Variants in LOC400499 observed in about 807,000 individuals in gnomAD.
chr16:11,506,813 A>G, the LOC400499 span, among the ~76,000 whole-genome samples: 3 of 152,122 alleles, frequency 2.0e-5, no homozygotes, highest in African/African-American at 4.8e-5. Flanking sequence ...GGGCAGAGGC[A>G]TTTCAAGCCG....
At chr16:11,389,438 T>C in the LOC400499 span, among the ~76,000 whole-genome samples, 1 of 152,122 alleles carries the variant, frequency 6.6e-6, no homozygotes, top group East Asian at 1.9e-4. Flanking sequence ...TCCCAACACT[T>C]TGGGAGGCCA....
the LOC400499 span, among the ~76,000 whole-genome samples, chr16:11,377,948 C>T: frequency 5.6e-4 from 85 of 152,326 alleles, no homozygotes; most frequent in African/African-American, 2.0e-3. Flanking sequence ...TTTTTGGTCT[C>T]TGATTCAATC....
chr16:11,376,300 G>A, the LOC400499 span, among the ~76,000 whole-genome samples: 1 of 151,722 alleles, frequency 6.6e-6, no homozygotes, highest in Non-Finnish European at 1.5e-5. Context: ...TGTTTTAAGA[G>A]TTGTATAGTT....
At chr16:11,410,922 T>C in the LOC400499 span, among the ~76,000 whole-genome samples, 1 of 152,222 alleles carries the variant, frequency 6.6e-6, no homozygotes, top group Non-Finnish European at 1.5e-5. Context: ...TCCAAAGGGC[T>C]GTGTCATCTG....
At chr16:11,489,121 C>A in the LOC400499 span, among the ~76,000 whole-genome samples, 1 of 152,206 alleles carries the variant, frequency 6.6e-6, no homozygotes, top group East Asian at 1.9e-4. Context: ...AGGAAGGTGT[C>A]ATGGACTCAA....
chr16:11,485,403 G>C, the LOC400499 span, among the ~76,000 whole-genome samples: 35,264 of 151,948 alleles, frequency 0.23, 4,231 homozygotes, highest in East Asian at 0.37. Context: ...ACTCAGACTG[G>C]AATGTGTGTC....
At chr16:11,513,406 C>CAAAA in the LOC400499 span, among the ~76,000 whole-genome samples, 1 of 126,940 alleles carries the variant, frequency 7.9e-6, no homozygotes, top group Non-Finnish European at 1.6e-5. Flanking sequence ...ACTGTGTCTC[C>CAAAA]AAAAAAAAAA....
the LOC400499 span, chr16:11,407,148 C>G: frequency 2.5e-6 from 1 of 398,698 alleles, no homozygotes. Flanking sequence ...AAGGGCTGTC[C>G]CAGAGGCCCC....
At chr16:11,419,504 G>C in the LOC400499 span, among the ~76,000 whole-genome samples, 2 of 152,076 alleles carry the variant, frequency 1.3e-5, no homozygotes, top group Non-Finnish European at 2.9e-5. Context: ...AACCCTAGAA[G>C]AAAACCTAGG....
chr16:11,491,794 G>C, the LOC400499 span: 1 of 398,860 alleles, frequency 2.5e-6, no homozygotes. Context: ...GCATTGATAC[G>C]GATCTCAGCA....
the LOC400499 span, chr16:11,392,389 G>A: frequency 5.0e-6 from 2 of 398,870 alleles, no homozygotes; most frequent in Admixed American, 4.4e-5. Context: ...CAGCCTGCAG[G>A]GTCAGGCGTC....
the LOC400499 span, among the ~76,000 whole-genome samples, chr16:11,457,663 C>G: frequency 3.3e-5 from 5 of 149,936 alleles, no homozygotes; most frequent in Admixed American, 1.3e-4. Flanking sequence ...GGTATACATA[C>G]AAAAGAATTG....
At chr16:11,458,782 C>T in the LOC400499 span, among the ~76,000 whole-genome samples, 1 of 151,908 alleles carries the variant, frequency 6.6e-6, no homozygotes, top group Non-Finnish European at 1.5e-5. Flanking sequence ...ATGCCTGTAA[C>T]CCAGCACTTT....
At chr16:11,400,408 C>A in the LOC400499 span, among the ~76,000 whole-genome samples, 1 of 138,188 alleles carries the variant, frequency 7.2e-6, no homozygotes, top group African/African-American at 2.6e-5. Context: ...GCTGCCCCAC[C>A]CACCCACCCA....
the LOC400499 span, among the ~76,000 whole-genome samples, chr16:11,430,469 GA>G: frequency 6.6e-6 from 1 of 151,968 alleles, no homozygotes; most frequent in Non-Finnish European, 1.5e-5. Context: ...CAGCCTGGGG[GA>G]CAAGAGCAAA....
chr16:11,385,197 C>T, the LOC400499 span: 21 of 1,231,850 alleles, frequency 1.7e-5, no homozygotes, highest in Non-Finnish European at 2.1e-5. Flanking sequence ...GGCTGCCATG[C>T]CTCTCCTGCT....
At chr16:11,430,703 C>T in the LOC400499 span, among the ~76,000 whole-genome samples, 1 of 152,110 alleles carries the variant, frequency 6.6e-6, no homozygotes, top group Non-Finnish European at 1.5e-5. Flanking sequence ...AGTGTTACGT[C>T]AAAATAAAAG....
At chr16:11,485,576 T>C in the LOC400499 span, among the ~76,000 whole-genome samples, 1 of 152,014 alleles carries the variant, frequency 6.6e-6, no homozygotes, top group Non-Finnish European at 1.5e-5. Context: ...CGCGCACCCC[T>C]CTCTTCACCT....
chr16:11,406,181 C>G, the LOC400499 span, among the ~76,000 whole-genome samples: 2 of 152,298 alleles, frequency 1.3e-5, no homozygotes, highest in Non-Finnish European at 2.9e-5. Context: ...ACCCTCCTCC[C>G]TTTTGGAGCC....
Sources: allele counts gnomAD v4.1 joint callset (sites outside exome capture counted in the v4.1 genomes callset), GRCh38; gene constraint gnomAD v4.1.1; transcripts MANE v1.5.